Variants in JMJD1C observed in about 807,000 individuals in gnomAD.
JMJD1C encodes jumonji domain-containing protein 1C.
JMJD1C carries 31 observed loss-of-function variants against 245.3 expected under a neutral mutation model. The observed-to-expected ratio is 0.13, with a 90% CI of 0.09 to 0.17. The LOEUF (loss-of-function observed/expected upper bound fraction) is 0.17. Ranked by LOEUF, JMJD1C falls within the 10% of genes least tolerant of loss-of-function variation. JMJD1C has a pLI of 1.00. For synonymous variants in JMJD1C, 1,057 were observed against 1,017.4 expected (o/e 1.04, Z -0.74); for missense variants, 2,691 against 3,000.2 (o/e 0.90, Z 2.41).
intron 3 of JMJD1C, among the ~76,000 whole-genome samples, chr10:63,250,901 T>G (rs1311241660): frequency 6.6e-6 from 1 of 152,058 alleles, no homozygotes; most frequent in Non-Finnish European, 1.5e-5. Flanking sequence ...GCACCACATG[T>G]GGCTAAATTT....
At chr10:63,267,953 A>G (rs967907436) in intron 2 of JMJD1C, among the ~76,000 whole-genome samples, 5 of 152,110 alleles carry the variant, frequency 3.3e-5, no homozygotes, top group African/African-American at 1.2e-4. Context: ...CCCTCCCCGA[A>G]AAACATTTTT....
intron 1 of JMJD1C, among the ~76,000 whole-genome samples, chr10:63,457,447 A>C (rs1952485359): frequency 6.6e-6 from 1 of 152,218 alleles, no homozygotes; most frequent in Non-Finnish European, 1.5e-5. Flanking sequence ...AAAAAAGGCC[A>C]AACTTTAATT....
upstream of JMJD1C, among the ~76,000 whole-genome samples, chr10:63,467,141 G>T (rs985081627): frequency 6.6e-6 from 1 of 152,114 alleles, no homozygotes; most frequent in African/African-American, 2.4e-5. Context: ...CTGCTAATAG[G>T]TTAGAAACCA....
intron 2 of JMJD1C, among the ~76,000 whole-genome samples, chr10:63,280,468 T>C (rs1166081912): frequency 1.3e-5 from 2 of 152,054 alleles, no homozygotes; most frequent in Admixed American, 6.6e-5. Flanking sequence ...GAGAATAGCT[T>C]GAACCCAGGA....
intron 1 of JMJD1C, 164 bp downstream of exon 1, chr10:63,465,331 G>A: frequency 2.8e-6 from 2 of 709,562 alleles, no homozygotes; most frequent in Non-Finnish European, 4.6e-6. Context: ...AGAGACGCAG[G>A]GACCCAGGCA....
At chr10:63,361,741 AAAAAAAG>A (rs1376876237) in intron 2 of JMJD1C, among the ~76,000 whole-genome samples, 91 of 150,064 alleles carry the variant, frequency 6.1e-4, no homozygotes, top group Admixed American at 2.1e-3. Context: ...AAAAAAAAAA[AAAAAAAG>A]AAAAAGAATA....
chr10:63,340,147 CAT>C (rs1343446297), intron 2 of JMJD1C, among the ~76,000 whole-genome samples: 1 of 152,186 alleles, frequency 6.6e-6, no homozygotes, highest in Non-Finnish European at 1.5e-5. Context: ...AATGACACCA[CAT>C]GTGGGAATTT....
chr10:63,320,561 T>A lies in JMJD1C; in HGVS notation c.334-55797A>T, dbSNP rs1461280129. Among the ~76,000 whole-genome samples the A allele has an allele frequency of 2.0e-5, 3 of 152,332 alleles. No homozygotes were observed. In the East Asian group the frequency reaches 5.8e-4, roughly 29 times the overall value. ...GGCAGCAGAAAACTACAATCTCTCA[T>A]CTTTTCTCAAAACAATTCCTTGGGA... On this transcript the variant is annotated intron_variant, in intron 2 of 25. Coordinates refer to ENST00000399262, the MANE Select transcript of JMJD1C (RefSeq NM_032776.3).
chr10:63,461,819 G>A (rs1331749135), intron 1 of JMJD1C, among the ~76,000 whole-genome samples: 2 of 152,146 alleles, frequency 1.3e-5, no homozygotes, highest in Admixed American at 6.6e-5. Flanking sequence ...TGGGTGTATG[G>A]ATGAATGGAT....
chr10:63,450,739 T>G (rs1018891754), intron 1 of JMJD1C, among the ~76,000 whole-genome samples: 1 of 152,244 alleles, frequency 6.6e-6, no homozygotes, highest in Non-Finnish European at 1.5e-5. Context: ...CACTAAAAGC[T>G]TTTTCTCTAA....
At chr10:63,226,422 G>A (rs781438823) in intron 3 of JMJD1C, among the ~76,000 whole-genome samples, 5 of 151,898 alleles carry the variant, frequency 3.3e-5, no homozygotes, top group Non-Finnish European at 7.4e-5. Flanking sequence ...GTACAGGAGG[G>A]GATAATGGGG....
rs1047807832 is a variant in JMJD1C at position 63,434,876 on chromosome 10, G to C, written c.168+30619C>G. Reference sequence around the variant, plus strand: ...CCCAACAGTTGGAGTGATTAACTTCGTAATTTACAGGGCACTGAAAAAACT... The same window carrying C: ...CCCAACAGTTGGAGTGATTAACTTCCTAATTTACAGGGCACTGAAAAAACT... On this transcript the variant is annotated intron_variant, in intron 1 of 25. Coordinates refer to ENST00000399262, the MANE Select transcript of JMJD1C (RefSeq NM_032776.3). Among the ~76,000 whole-genome samples the C allele has an allele frequency of 5.3e-5, 8 of 152,150 alleles. 1 individual carries two copies. Among genetic ancestry groups the C allele is most frequent in the African/African-American group, 1.7e-4 (7 of 41,434 alleles).
At chr10:63,255,774 T>A (rs943739918) in intron 3 of JMJD1C, among the ~76,000 whole-genome samples, 1 of 152,044 alleles carries the variant, frequency 6.6e-6, no homozygotes, top group African/African-American at 2.4e-5. Flanking sequence ...AAAGCTAACA[T>A]TGGAAATAAA....
chr10:63,217,639 G>A (rs1589180432), intron 4 of JMJD1C: 3 of 171,608 alleles, frequency 1.7e-5, no homozygotes, highest in Non-Finnish European at 3.7e-5. Context: ...GTAGAATGCA[G>A]TAAGGTTATG....
intron 1 of JMJD1C, among the ~76,000 whole-genome samples, chr10:63,388,694 G>A (rs1425258546): frequency 1.3e-5 from 2 of 152,062 alleles, no homozygotes; most frequent in Non-Finnish European, 2.9e-5. Context: ...AGAATAACAG[G>A]AATAAGCCCT....
intron 4 of JMJD1C, chr10:63,217,755 AAAC>A (rs140614735): frequency 0.2 from 30,502 of 152,056 alleles, 3,979 homozygotes; most frequent in Non-Finnish European, 0.29. Context: ...ACTTTACCAT[AAAC>A]AACTATAAAT....
intron 1 of JMJD1C, among the ~76,000 whole-genome samples, chr10:63,499,120 A>G (rs1052267378): frequency 1.3e-5 from 2 of 152,174 alleles, no homozygotes; most frequent in Non-Finnish European, 2.9e-5. Flanking sequence ...TTATTCATCA[A>G]TGGGACATCT....
intron 2 of JMJD1C, among the ~76,000 whole-genome samples, chr10:63,329,957 G>A (rs1298928382): frequency 3.3e-5 from 5 of 152,254 alleles, no homozygotes; most frequent in African/African-American, 1.2e-4. Flanking sequence ...GCTGGATGCA[G>A]TGGTACAATC....
chr10:63,458,713 C>T (rs566774636), intron 1 of JMJD1C, among the ~76,000 whole-genome samples: 173 of 5,430 alleles, frequency 0.032, no homozygotes, highest in African/African-American at 0.082. Context: ...TTAAATATAG[C>T]TTTTTTTTTA....
Sources: allele counts gnomAD v4.1 joint callset (sites outside exome capture counted in the v4.1 genomes callset), GRCh38; gene constraint gnomAD v4.1.1; transcripts MANE v1.5; gene names NCBI Gene and HGNC (gene_info 2026-07-23, HGNC 2026-07-21).